The following PACSIN3 variants were observed in gnomAD, a reference collection of about 807,000 sequenced individuals.
The protein encoded by PACSIN3 is protein kinase C and casein kinase substrate in neurons 3.
Under a neutral mutation model 56.1 loss-of-function variants are expected in PACSIN3, and 34 were observed. The observed-to-expected ratio is 0.61, with a 90% CI of 0.46 to 0.81. PACSIN3 has a LOEUF of 0.81. Among genes scored for constraint, PACSIN3 ranks in the 30% least tolerant of loss-of-function variants. The pLI is 0.00. For missense variants in PACSIN3, 535 were observed against 592.4 expected (o/e 0.90, Z 1.01); for synonymous variants, 218 against 229.8 (o/e 0.95, Z 0.46).
At chr11:47,183,538 G>A (rs1190345183) in intron 1 of PACSIN3, among the ~76,000 whole-genome samples, 1 of 152,220 alleles carries the variant, frequency 6.6e-6, no homozygotes, top group East Asian at 1.9e-4. Context: ...GCCAGGGCTG[G>A]TGTGAAACTC....
chr11:47,180,762 G>A, intron 4 of PACSIN3, 72 bp from the exon 5 acceptor site: 1 of 1,265,138 alleles, frequency 7.9e-7, no homozygotes, highest in East Asian at 2.5e-5. Context: ...CTCACTGGGT[G>A]TGAGGCATGG....
chr11:47,179,998 A>G lies in PACSIN3; in HGVS notation c.603+188T>C, dbSNP rs1565138807. On this transcript the variant is annotated intron_variant, in intron 6 of 10. Transcript: ENST00000298838. This position sits in a 1 kb window ranked among gnomAD's most constrained non-coding sequence, Gnocchi z 4.4. ...AAGTCATCCCAGTGCCTGAAACTCC[A>G]TTTCTTTCCCTAGTAAAGCATCACC... Among the ~76,000 whole-genome samples the G allele has an allele frequency of 6.6e-6, 1 of 152,214 alleles. No homozygotes were observed. The highest frequency in any genetic ancestry group is 1.9e-4 in the East Asian group (1 of 5,196).
Position 47,184,861 on chromosome 11 carries a change from A to G in PACSIN3, c.-104+1488T>C, listed in dbSNP as rs149111144. Reference sequence around the variant, plus strand: ...AGCCTCCGAGTTCCCTGCTCCCCAGAGAGCTGCCCCCCACCCCTTCCCTCT... The same window carrying G: ...AGCCTCCGAGTTCCCTGCTCCCCAGGGAGCTGCCCCCCACCCCTTCCCTCT... On this transcript the variant is annotated intron_variant, in intron 1 of 10. Transcript: ENST00000298838. 5.9e-3 allele frequency among the ~76,000 whole-genome samples: 896 copies of G among 152,222 alleles called. 9 individuals carry two copies. The highest frequency in any genetic ancestry group is 0.021 in the African/African-American group (854 of 41,532).
Position 47,183,010 on chromosome 11 carries a change from C to T in PACSIN3, c.-44G>A, listed in dbSNP as rs1953058328. Reference sequence around the variant, plus strand: ...CCCCCGCCCCCCCACATACCTGGGGCCTAGAGATCACTTCAAGGACCCGGG... The same window carrying T: ...CCCCCGCCCCCCCACATACCTGGGGTCTAGAGATCACTTCAAGGACCCGGG... On this transcript the variant is annotated 5_prime_UTR_variant, in exon 2 of 11. Transcript: ENST00000298838. The T allele has an allele frequency of 2.6e-6, 1 of 386,158 alleles. No individual in the cohort carries two copies. Among genetic ancestry groups the T allele is most frequent in the Admixed American group, 4.7e-5 (1 of 21,408 alleles). 23.9% of individuals were successfully genotyped at this position (386,158 alleles called of 1,614,324 possible).
At chr11:47,182,328 G>C (rs987784283) in intron 4 of PACSIN3, 75 bp downstream of exon 4, 3 of 1,451,114 alleles carry the variant, frequency 2.1e-6, no homozygotes, top group South Asian at 1.3e-5. Flanking sequence ...AACTTCCCAC[G>C]AGACGTGCAA....
chr11:47,179,466 A>G lies in PACSIN3; in HGVS notation c.724T>C (p.Phe242Leu). 1 of 1,614,072 alleles carries G rather than the reference A, an allele frequency of 6.2e-7. No individual in the cohort carries two copies. Among genetic ancestry groups the G allele is most frequent in the Non-Finnish European group, 8.5e-7 (1 of 1,180,044 alleles). Residue 242 changes from phenylalanine to leucine, a missense_variant, in exon 7 of 11, where the codon TTC (phenylalanine) becomes CTC (leucine). Transcript: ENST00000298838. The surrounding 1 kb of genome is among the most constrained non-coding windows in gnomAD (Gnocchi z 4.4). ...TGTAAGGTGAGCAGCATATCCTTGA[A>G]GAAAAGAAGCCGCTGGCGCTCGGCG... ...QAAERQRLLF[F>L]KDMLLTLHQH...
chr11:47,178,893 C>T lies in PACSIN3; in HGVS notation c.1037+1G>A. ...GCCACAGCCGCGCTCCTGGCTCTCA[C>T]CCTGGGGACCCCGGGGACTGGGGTG... On this transcript the variant is annotated splice_donor_variant, in intron 9 of 10. Transcript: ENST00000298838. LOFTEE classifies it high-confidence loss of function. The surrounding 1 kb of genome is among the most constrained non-coding windows in gnomAD (Gnocchi z 4.2). The T allele has an allele frequency of 3.1e-6, 5 of 1,613,800 alleles. No individual in the cohort carries two copies. Among genetic ancestry groups the T allele is most frequent in the Non-Finnish European group, 4.2e-6 (5 of 1,179,986 alleles).
Position 47,179,476 on chromosome 11 carries a change from C to T in PACSIN3, c.714G>A (p.Arg238=). ...FETCQAAERQ[R]LLFFKDMLLT... The stretch of plus-strand genomic sequence containing the variant: ...GCAGCATATCCTTGAAGAAAAGAAG[C>T]CGCTGGCGCTCGGCGGCCTGGCAGG... The change falls in exon 7 of 11, where the codon CGG becomes CGA. Residue 238 remains arginine (R), a synonymous_variant. Transcript: ENST00000298838. This position sits in a 1 kb window ranked among gnomAD's most constrained non-coding sequence, Gnocchi z 4.4. The T allele has an allele frequency of 6.2e-7, 1 of 1,614,076 alleles. No individual in the cohort carries two copies. Among genetic ancestry groups the T allele is most frequent in the Non-Finnish European group, 8.5e-7 (1 of 1,180,038 alleles).
At chr11:47,180,087 A>G in intron 6 of PACSIN3, 99 bp downstream of exon 6, 1 of 1,110,080 alleles carries the variant, frequency 9.0e-7, no homozygotes, top group South Asian at 1.4e-5. Flanking sequence ...GAATAGGGTA[A>G]TAAGGGTGCT....
intron 4 of PACSIN3, among the ~76,000 whole-genome samples, 161 bp from the exon 5 acceptor site, chr11:47,180,851 C>T (rs184151499): frequency 1.3e-5 from 2 of 152,328 alleles, no homozygotes; most frequent in East Asian, 3.9e-4. Flanking sequence ...GACCATGTGC[C>T]TTATCTCACT....
intron 1 of PACSIN3, among the ~76,000 whole-genome samples, chr11:47,183,790 G>A (rs1417384187): frequency 1.3e-5 from 2 of 152,212 alleles, no homozygotes; most frequent in Admixed American, 6.5e-5. Flanking sequence ...GGGAGACTGA[G>A]GTGGGTGGAT....
rs901380163 is a variant in PACSIN3, at chr11:47,182,717, T to G, written c.11A>C (p.Glu4Ala). 6.2e-6 allele frequency: 10 copies of G among 1,612,672 alleles called. No individual in the cohort carries two copies. Among genetic ancestry groups the G allele is most frequent in the Non-Finnish European group, 8.5e-6 (10 of 1,179,332 alleles). MAPEEDAGGEALGG... is the reference protein window; with the variant it reads MAPAEDAGGEALGG... The stretch of plus-strand genomic sequence containing the variant: ...TAAGGCCTCCCCTCCAGCGTCCTCT[T>G]CTGGAGCCATGGTGTCCCCGCAGCA... Residue 4 changes from glutamate to alanine, a missense_variant, in exon 3 of 11, where the codon GAA becomes GCA. By Grantham distance (107) the Glu-to-Ala change is moderately radical. Coordinates refer to ENST00000298838, the MANE Select transcript of PACSIN3 (RefSeq NM_016223.5).
chr11:47,178,410 T>TA lies in PACSIN3; in HGVS notation c.1114dup (p.Tyr372LeufsTer2), dbSNP rs1196989569. 3 of 1,613,912 alleles carry TA rather than the reference T, an allele frequency of 1.9e-6. No individual in the cohort carries two copies. The Admixed American group carries it at 5.0e-5, about 27-fold the overall frequency. On this transcript the variant is annotated frameshift_variant, in exon 10 of 11. Transcript: ENST00000298838. LOFTEE classifies it high-confidence loss of function. This position sits in a 1 kb window ranked among gnomAD's most constrained non-coding sequence, Gnocchi z 4.2. ...ATCAGCTTCCTGGCCAGCGTAGTCA[T>TA]AGAGTGCCCTCACCCGAACCCCGGT...
Position 47,179,378 on chromosome 11 carries a change from C to T in PACSIN3, c.779+33G>A, listed in dbSNP as rs1002689739. ...GGAGATGGAGGAGACCCAGTACTAC[C>T]CCAGATCTCCATGCCCACCAGGCAG... On this transcript the variant is annotated intron_variant, in intron 7 of 10. Coordinates refer to ENST00000298838, the MANE Select transcript of PACSIN3 (RefSeq NM_016223.5). The surrounding 1 kb of genome is among the most constrained non-coding windows in gnomAD (Gnocchi z 4.4). The T allele has an allele frequency of 2.5e-6, 4 of 1,613,426 alleles. No individual in the cohort carries two copies. The highest frequency in any genetic ancestry group is 3.4e-6 in the Non-Finnish European group (4 of 1,179,578).
intron 5 of PACSIN3, 25 bp downstream of exon 5, chr11:47,180,430 G>T: frequency 6.3e-7 from 1 of 1,591,624 alleles, no homozygotes; most frequent in Non-Finnish European, 8.5e-7. Context: ...AGCCTGTCTC[G>T]GATACCTCCC....
rs181415345 is a variant in PACSIN3, at chr11:47,178,371, C to G, written c.1154G>C (p.Arg385Pro). The G allele has an allele frequency of 1.9e-6, 3 of 1,613,816 alleles. No homozygotes were observed. In the African/African-American group the frequency reaches 4.0e-5, roughly 22 times the overall value. The change falls in exon 10 of 11, where the codon CGA becomes CCA. Residue 385 changes from arginine (R) to proline (P), a missense_variant. Arg to Pro is a moderately radical substitution (Grantham distance 103). Transcript: ENST00000298838. This position sits in a 1 kb window ranked among gnomAD's most constrained non-coding sequence, Gnocchi z 4.2. ...GGAAAGGGGTCCCAGGGTACCTGCT[C>G]GGAAGCTCAGCTCATCAGCTTCCTG... ...AGQEADELSF[R>P]AGEELLKMSE... is the part of the protein sequence containing the mutation.
At chr11:47,183,822 G>A (rs990584653) in intron 1 of PACSIN3, among the ~76,000 whole-genome samples, 1 of 152,212 alleles carries the variant, frequency 6.6e-6, no homozygotes, top group African/African-American at 2.4e-5. Flanking sequence ...AGGAGTTCCA[G>A]ACCAGCTTGG....
At chr11:47,181,794 T>C (rs1375158291) in intron 4 of PACSIN3, among the ~76,000 whole-genome samples, 1 of 151,980 alleles carries the variant, frequency 6.6e-6, no homozygotes, top group Non-Finnish European at 1.5e-5. Context: ...TGATCCATGA[T>C]TGTACCACTG....
In PACSIN3 at chr11:47,178,417, C is replaced by T; in HGVS notation, c.1108G>A (p.Ala370Thr). 1 of 1,614,032 alleles carries T rather than the reference C, an allele frequency of 6.2e-7. No individual in the cohort carries two copies. The highest frequency in any genetic ancestry group is 1.1e-5 in the South Asian group (1 of 91,090). ...RKAATGVRVR[A>T]LYDYAGQEAD... ...TCCTGGCCAGCGTAGTCATAGAGTG[C>T]CCTCACCCGAACCCCGGTGGCAGCC... is the stretch of plus-strand genomic sequence containing the variant. Residue 370 changes from alanine (A) to threonine (T), a missense_variant, in exon 10 of 11, where the codon GCA (alanine) becomes ACA (threonine). Coordinates refer to ENST00000298838, the MANE Select transcript of PACSIN3 (RefSeq NM_016223.5). This position sits in a 1 kb window ranked among gnomAD's most constrained non-coding sequence, Gnocchi z 4.2.
Sources: allele counts gnomAD v4.1 joint callset (sites outside exome capture counted in the v4.1 genomes callset), GRCh38; gene constraint gnomAD v4.1.1; non-coding constraint Gnocchi (gnomAD v3.1); transcripts MANE v1.5; gene names NCBI Gene and HGNC (gene_info 2026-07-23, HGNC 2026-07-21).